TRPM3: variants seen among roughly 807,000 people sequenced by gnomAD.
TRPM3 encodes long transient receptor potential channel 3.
A neutral mutation model predicts 181.2 loss-of-function variants in TRPM3; 77 were observed. The observed-to-expected ratio is 0.42, with a 90% CI of 0.35 to 0.51. The LOEUF is 0.51. Among genes scored for constraint, TRPM3 ranks in the 20% least tolerant of loss-of-function variants. The pLI, the probability that TRPM3 is intolerant of heterozygous loss-of-function variation, is 0.01. For synonymous variants in TRPM3, 745 were observed against 796.4 expected (o/e 0.94, Z 1.09); for missense variants, 1,759 against 2,196.7 (o/e 0.80, Z 3.98).
At chr9:71,377,119 T>C (rs575349341) in intron 1 of TRPM3, among the ~76,000 whole-genome samples, 210 of 152,232 alleles carry the variant, frequency 1.4e-3, no homozygotes, top group African/African-American at 4.9e-3. Flanking sequence ...AACAAACTTT[T>C]TGGAGATGCC....
intron 9 of TRPM3, among the ~76,000 whole-genome samples, chr9:70,676,320 T>C (rs1469474754): frequency 1.3e-5 from 2 of 152,198 alleles, no homozygotes; most frequent in African/African-American, 4.8e-5. Context: ...GACTTTATAT[T>C]GAATCCAAGG....
At chr9:71,304,938 T>C (rs1487488767) in intron 1 of TRPM3, among the ~76,000 whole-genome samples, 1 of 152,150 alleles carries the variant, frequency 6.6e-6, no homozygotes, top group Non-Finnish European at 1.5e-5. Context: ...CACAAGAAAA[T>C]AGTTCCCACT....
intron 1 of TRPM3, among the ~76,000 whole-genome samples, chr9:71,279,929 A>G (rs1470030988): frequency 6.6e-6 from 1 of 151,982 alleles, no homozygotes; most frequent in Non-Finnish European, 1.5e-5. Context: ...AAATACAAAA[A>G]TTAGCCAGGT....
At chr9:71,277,323 A>G (rs2084293381) in intron 1 of TRPM3, among the ~76,000 whole-genome samples, 1 of 152,208 alleles carries the variant, frequency 6.6e-6, no homozygotes, top group African/African-American at 2.4e-5. Context: ...TTTCCTGAGT[A>G]ACGTGTACGT....
At chr9:70,601,989 T>C (rs1423905876) in intron 20 of TRPM3, among the ~76,000 whole-genome samples, 1 of 151,952 alleles carries the variant, frequency 6.6e-6, no homozygotes, top group Non-Finnish European at 1.5e-5. Context: ...CCAAAGCAAA[T>C]TTATTACTGT....
chr9:71,036,840 A>G (rs2058264018), intron 1 of TRPM3, among the ~76,000 whole-genome samples: 1 of 152,242 alleles, frequency 6.6e-6, no homozygotes, highest in Admixed American at 6.5e-5. Flanking sequence ...GAAGGTGCAG[A>G]TCAAGAGACA....
At chr9:70,796,726 C>T (rs2087138327) in intron 6 of TRPM3, among the ~76,000 whole-genome samples, 1 of 152,174 alleles carries the variant, frequency 6.6e-6, no homozygotes, top group Admixed American at 6.5e-5. Context: ...TTGAACAGAG[C>T]AGAGATGTCT....
At chr9:71,047,322 T>C (rs751966370) in intron 1 of TRPM3, among the ~76,000 whole-genome samples, 1 of 152,196 alleles carries the variant, frequency 6.6e-6, no homozygotes, top group Admixed American at 6.5e-5. Context: ...GGCTCTTCAA[T>C]TTTTTAATAT....
chr9:71,290,980 T>A (rs1482303824), intron 1 of TRPM3, among the ~76,000 whole-genome samples: 1 of 151,976 alleles, frequency 6.6e-6, no homozygotes, highest in Admixed American at 6.6e-5. Flanking sequence ...TCAATGTAAA[T>A]GAACTAAACT....
intron 1 of TRPM3, among the ~76,000 whole-genome samples, chr9:71,007,425 TCAA>T (rs938499500): frequency 1.3e-5 from 2 of 151,994 alleles, no homozygotes; most frequent in Non-Finnish European, 2.9e-5. Context: ...CCATTTTTTC[TCAA>T]CAACACACGG....
intron 8 of TRPM3, among the ~76,000 whole-genome samples, chr9:70,696,677 C>G (rs537794733): frequency 6.6e-6 from 1 of 152,312 alleles, no homozygotes; most frequent in African/African-American, 2.4e-5. Context: ...GGAGTTTGTG[C>G]TTGACCCAAG....
rs142626072 is a variant in TRPM3, at chr9:71,012,046, G to A, written c.177+109132C>T. 4.9e-3 allele frequency among the ~76,000 whole-genome samples: 751 copies of A among 152,166 alleles called. 17 individuals carry two copies. In the East Asian group the frequency reaches 0.078, roughly 16 times the overall value. On this transcript the variant is annotated intron_variant, in intron 1 of 25. Coordinates refer to ENST00000677713, the MANE Select transcript of TRPM3 (RefSeq NM_001366145.2). ...GATCTGCCCGCATTGGCCTCTCAAA[G>A]TGCTGGGATTACAGGCATGAGCCAC... is the stretch of plus-strand genomic sequence containing the variant.
intron 1 of TRPM3, among the ~76,000 whole-genome samples, chr9:71,162,199 C>CAAAAAAAAAA (rs35947110): frequency 2.8e-4 from 21 of 73,874 alleles, no homozygotes; most frequent in African/African-American, 7.1e-4. Flanking sequence ...GACTCTGTCT[C>CAAAAAAAAAA]AAAAAAAAAA....
intron 1 of TRPM3, among the ~76,000 whole-genome samples, chr9:71,049,231 C>G (rs2059796683): frequency 6.6e-6 from 1 of 152,020 alleles, no homozygotes; most frequent in African/African-American, 2.4e-5. Context: ...ACTCCCTCAC[C>G]CCAAGGCTGC....
At chr9:71,072,232 T>A (rs1265515846) in intron 1 of TRPM3, among the ~76,000 whole-genome samples, 1 of 152,192 alleles carries the variant, frequency 6.6e-6, no homozygotes, top group Non-Finnish European at 1.5e-5. Context: ...CTATTTGTCA[T>A]TACAGTTGGT....
intron 1 of TRPM3, among the ~76,000 whole-genome samples, chr9:70,905,542 A>G (rs2096452010): frequency 6.6e-6 from 1 of 152,230 alleles, no homozygotes; most frequent in Non-Finnish European, 1.5e-5. Context: ...AAATATATTT[A>G]GTTATTCTGA....
intron 1 of TRPM3, among the ~76,000 whole-genome samples, chr9:71,346,922 G>T (rs1345280850): frequency 6.6e-6 from 1 of 152,134 alleles, no homozygotes; most frequent in African/African-American, 2.4e-5. Context: ...ATACAACATT[G>T]CTCTCACCAC....
At chr9:71,202,420 T>C (rs925169163) in intron 1 of TRPM3, among the ~76,000 whole-genome samples, 2 of 152,182 alleles carry the variant, frequency 1.3e-5, no homozygotes, top group African/African-American at 2.4e-5. Context: ...TGTTTGTCTC[T>C]AAGTTGGGCC....
intron 6 of TRPM3, among the ~76,000 whole-genome samples, chr9:70,804,693 C>T (rs962167542): frequency 1.4e-5 from 2 of 140,544 alleles, no homozygotes; most frequent in East Asian, 2.0e-4. Context: ...TCCTTTCCTC[C>T]CCTCCCCTTC....
Sources: allele counts gnomAD v4.1 joint callset (sites outside exome capture counted in the v4.1 genomes callset), GRCh38; gene constraint gnomAD v4.1.1; transcripts MANE v1.5; gene names NCBI Gene and HGNC (gene_info 2026-07-23, HGNC 2026-07-21).